Variants in ADAMTS17 observed in about 807,000 individuals in gnomAD.
ADAMTS17 encodes ADAM metallopeptidase with thrombospondin type 1 motif 17.
In ADAMTS17, 113 loss-of-function variants were observed where a neutral mutation model predicts 141.5. That is an observed-to-expected ratio of 0.80 (90% confidence interval 0.69 to 0.93). The LOEUF (loss-of-function observed/expected upper bound fraction) is 0.93, where lower values mean the gene tolerates loss of function less well. Ranked by LOEUF, ADAMTS17 falls within the 40% of genes least tolerant of loss-of-function variation. The pLI is 0.00. For missense variants in ADAMTS17, 1,659 were observed against 1,517.9 expected (o/e 1.09, Z -1.54); for synonymous variants, 768 against 630.6 (o/e 1.22, Z -3.27).
At chr15:100,307,165 A>C (rs2045254000) in intron 3 of ADAMTS17, among the ~76,000 whole-genome samples, 1 of 152,210 alleles carries the variant, frequency 6.6e-6, no homozygotes, top group African/African-American at 2.4e-5. Context: ...AAACCAATGA[A>C]GCTGTCTATC....
At chr15:100,234,066 C>G (rs1250615028) in intron 7 of ADAMTS17, among the ~76,000 whole-genome samples, 5 of 152,164 alleles carry the variant, frequency 3.3e-5, no homozygotes, top group Non-Finnish European at 1.5e-5. Context: ...AGAGGAAGCT[C>G]CGTGGCAGGG....
rs1596123565 is a variant in ADAMTS17, at chr15:99,974,216, C to G, written c.*186G>C. On this transcript the variant is annotated 3_prime_UTR_variant, in exon 22 of 22. Transcript: ENST00000268070. ...CTTTCTCCTCACTGTAGAAAGCCAG[C>G]CAGTGGCTGTTAACAATATATTAAG... The G allele has an allele frequency of 2.9e-6, 2 of 691,536 alleles. No homozygotes were observed. Among genetic ancestry groups the G allele is most frequent in the East Asian group, 5.5e-5 (2 of 36,502 alleles). 42.8% of individuals were successfully genotyped at this position (691,536 alleles called of 1,614,324 possible). A position where few individuals can be genotyped will look rare whatever the true frequency, so the allele number is the denominator to read the frequency against.
intron 4 of ADAMTS17, among the ~76,000 whole-genome samples, chr15:100,265,499 G>C (rs974067973): frequency 6.6e-6 from 1 of 152,218 alleles, no homozygotes; most frequent in East Asian, 1.9e-4. Flanking sequence ...TTCCTTGGCA[G>C]CCTAGGGGCC....
Position 100,277,994 on chromosome 15 carries a change from G to C in ADAMTS17, c.789+3235C>G, listed in dbSNP as rs537469190. 9.2e-5 allele frequency among the ~76,000 whole-genome samples: 14 copies of C among 152,348 alleles called. No individual in the cohort carries two copies. The South Asian group carries it at 2.7e-3, about 29-fold the overall frequency. ...GCCATCCTGACACATGTCACAACAT[G>C]AATGAACTCTGTGGACATTATGGTG... On this transcript the variant is annotated intron_variant, in intron 4 of 21. Coordinates refer to ENST00000268070, the MANE Select transcript of ADAMTS17 (RefSeq NM_139057.4).
Position 100,320,062 on chromosome 15 carries a change from G to A in ADAMTS17, c.616+10827C>T, listed in dbSNP as rs189083036. ...ACTTCTAAAAGTATTGAATATAATT[G>A]CGAAAATTAAAAACTCAGTAGAAGA... On this transcript the variant is annotated intron_variant, in intron 3 of 21. Transcript: ENST00000268070. Among the ~76,000 whole-genome samples, 42 of 152,258 alleles carry A rather than the reference G, an allele frequency of 2.8e-4. No homozygotes were observed. The East Asian group carries it at 6.0e-3, about 22-fold the overall frequency.
chr15:100,080,503 C>A (rs950234907), intron 15 of ADAMTS17, among the ~76,000 whole-genome samples: 1 of 152,158 alleles, frequency 6.6e-6, no homozygotes, highest in Non-Finnish European at 1.5e-5. Flanking sequence ...GGCAGGACTA[C>A]AAATGACCCA....
chr15:100,125,944 G>C lies in ADAMTS17; in HGVS notation c.1721+6063C>G, dbSNP rs189543847. On this transcript the variant is annotated intron_variant, in intron 12 of 21. Coordinates refer to ENST00000268070, the MANE Select transcript of ADAMTS17 (RefSeq NM_139057.4). ...AATATAAAGTGAAGGGGGTGAGAAG[G>C]GGGTCGTGGGAGCGTTCCAAGCCTG... 8.3e-4 allele frequency among the ~76,000 whole-genome samples: 126 copies of C among 152,250 alleles called. 2 individuals carry two copies. The highest frequency in any genetic ancestry group is 2.8e-3 in the African/African-American group (116 of 41,532).
chr15:100,223,477 T>C (rs1279467139), intron 7 of ADAMTS17, among the ~76,000 whole-genome samples: 1 of 152,090 alleles, frequency 6.6e-6, no homozygotes. Context: ...ATACTGGCCC[T>C]GAGCTCATCT....
intron 18 of ADAMTS17, among the ~76,000 whole-genome samples, chr15:100,039,665 G>T (rs572761325): frequency 6.6e-4 from 100 of 152,266 alleles, no homozygotes; most frequent in African/African-American, 2.3e-3. Flanking sequence ...CCTAGTGTAT[G>T]ATCTATTCTG....
intron 18 of ADAMTS17, among the ~76,000 whole-genome samples, chr15:100,002,586 G>C (rs78819993): frequency 0.015 from 2,213 of 152,174 alleles, 84 homozygotes; most frequent in African/African-American, 0.051. Context: ...TAAAAAGCCA[G>C]ATCTGCGGGG....
At position 100,097,519 on chromosome 15, in the gene ADAMTS17, C is replaced by T. The variant is rs145396211; in HGVS notation, c.2017-1043G>A. Among the ~76,000 whole-genome samples the T allele has an allele frequency of 6.8e-3, 1,034 of 152,358 alleles. 11 individuals are homozygous for T. The highest frequency in any genetic ancestry group is 0.023 in the African/African-American group (954 of 41,582). On this transcript the variant is annotated intron_variant, in intron 14 of 21. Coordinates refer to ENST00000268070, the MANE Select transcript of ADAMTS17 (RefSeq NM_139057.4). ...CAGGCAGGGCTTAGAGCTAGCACAG[C>T]GCCTCGGGTGCCAGGCTGGCTGCAC...
At chr15:100,119,216 AC>A (rs2037323879) in intron 12 of ADAMTS17, among the ~76,000 whole-genome samples, 1 of 152,118 alleles carries the variant, frequency 6.6e-6, no homozygotes, top group South Asian at 2.1e-4. Context: ...CCAGGACTGT[AC>A]GACAATAACT....
At chr15:100,244,761 A>G (rs1326419239) in intron 7 of ADAMTS17, among the ~76,000 whole-genome samples, 7 of 152,048 alleles carry the variant, frequency 4.6e-5, no homozygotes, top group Non-Finnish European at 1.0e-4. Flanking sequence ...CCTTGTTTCA[A>G]TGGCACTGGC....
intron 7 of ADAMTS17, among the ~76,000 whole-genome samples, chr15:100,205,790 A>C (rs1567350365): frequency 6.6e-6 from 1 of 152,236 alleles, no homozygotes; most frequent in East Asian, 1.9e-4. Context: ...AGCAGCCTCC[A>C]GGCCATTTCA....
At chr15:100,040,981 A>T (rs550870338) in intron 18 of ADAMTS17, among the ~76,000 whole-genome samples, 1 of 152,368 alleles carries the variant, frequency 6.6e-6, no homozygotes, top group South Asian at 2.1e-4. Flanking sequence ...GAAATTGATT[A>T]AAAAACCATA....
intron 18 of ADAMTS17, among the ~76,000 whole-genome samples, chr15:100,001,353 C>CTT (rs35364890): frequency 2.2e-4 from 31 of 142,016 alleles, no homozygotes; most frequent in Non-Finnish European, 2.7e-4. Context: ...GTCTCTTTTC[C>CTT]TTTTTTTTTT....
chr15:100,162,882 ATATATGTGTATATAGAACTATATATG>A (rs2039783661), intron 8 of ADAMTS17, among the ~76,000 whole-genome samples: 2 of 146,746 alleles, frequency 1.4e-5, no homozygotes, highest in African/African-American at 4.9e-5. Context: ...CTATATGTAT[ATATATGTGTATATAGAACTATATATG>A]TATATGTGTA....
At chr15:100,186,785 C>T (rs2040734257) in intron 8 of ADAMTS17, among the ~76,000 whole-genome samples, 1 of 152,222 alleles carries the variant, frequency 6.6e-6, no homozygotes, top group South Asian at 2.1e-4. Context: ...TATCTCTGCA[C>T]GATCCTTGGC....
At chr15:100,190,677 A>T (rs940485083) in intron 8 of ADAMTS17, among the ~76,000 whole-genome samples, 2 of 152,220 alleles carry the variant, frequency 1.3e-5, no homozygotes, top group African/African-American at 4.8e-5. Flanking sequence ...CAGTAGGTGC[A>T]CAAGGGTTTC....
Sources: gnomAD v4.1 joint callset for allele counts (sites outside exome capture counted in the v4.1 genomes callset) on GRCh38, gnomAD v4.1.1 for gene constraint, MANE v1.5 for transcripts, NCBI Gene and HGNC (gene_info 2026-07-23, HGNC 2026-07-21) for gene names.